CDH12: variants seen among roughly 807,000 people sequenced by gnomAD.
CDH12 encodes cadherin 12.
In CDH12, 41 loss-of-function variants were observed where a neutral mutation model predicts 74.1. That is an observed-to-expected ratio of 0.55 (90% CI 0.43 to 0.72). The LOEUF is 0.72. CDH12 is among the 30% of genes least tolerant of loss of function. The pLI is 0.00. For synonymous variants in CDH12, 399 were observed against 355.0 expected (o/e 1.12, Z -1.39); for missense variants, 945 against 977.2 (o/e 0.97, Z 0.44).
Position 22,832,684 on chromosome 5 carries a change from T to A in CDH12, c.-523+20374A>T, listed in dbSNP as rs192747583. ...ATATTTTTCATATGGGAAGATTTTT[T>A]AAAAAATATTACTGTTTCTTTCCTT... is the stretch of plus-strand genomic sequence containing the variant. On this transcript the variant is annotated intron_variant, in intron 1 of 14. Transcript: ENST00000382254. 8.3e-4 allele frequency among the ~76,000 whole-genome samples: 126 copies of A among 152,302 alleles called. No individual in the cohort carries two copies. In the Middle Eastern group the frequency reaches 0.024, roughly 29 times the overall value.
At chr5:22,847,237 A>C (rs1737350450) in intron 1 of CDH12, among the ~76,000 whole-genome samples, 1 of 152,210 alleles carries the variant, frequency 6.6e-6, no homozygotes, top group South Asian at 2.1e-4. Context: ...TATAACTTAA[A>C]GCCTTGCCAA....
intron 3 of CDH12, among the ~76,000 whole-genome samples, chr5:22,216,595 A>G (rs1751810924): frequency 6.6e-6 from 1 of 151,994 alleles, no homozygotes; most frequent in African/African-American, 2.4e-5. Flanking sequence ...GCATCAAGCT[A>G]ATACTATCAC....
Position 22,348,539 on chromosome 5 carries a change from T to C in CDH12, c.-333+56718A>G, listed in dbSNP as rs184745108. The stretch of plus-strand genomic sequence containing the variant: ...TGAACAGACTGGAAAAATCAGATGA[T>C]TGTTCATGTACATATACATGGACAC... On this transcript the variant is annotated intron_variant, in intron 3 of 14. Transcript: ENST00000382254. Among the ~76,000 whole-genome samples the C allele has an allele frequency of 2.2e-3, 337 of 152,330 alleles. 3 individuals carry two copies. Among genetic ancestry groups the C allele is most frequent in the Non-Finnish European group, 2.9e-3 (195 of 68,036 alleles).
chr5:22,064,358 T>C (rs550360531), intron 5 of CDH12, among the ~76,000 whole-genome samples: 4 of 152,170 alleles, frequency 2.6e-5, no homozygotes, highest in Admixed American at 6.6e-5. Context: ...AATACACACA[T>C]ATTCTGTTTT....
At chr5:22,429,102 CTATTT>C (rs546752099) in intron 2 of CDH12, among the ~76,000 whole-genome samples, 2,408 of 144,836 alleles carry the variant, frequency 0.017, 57 homozygotes, top group African/African-American at 0.053. Flanking sequence ...CACTTTTATT[CTATTT>C]TATTTTATTT....
In CDH12 at chr5:22,629,925, A is replaced by G. The variant is rs371097374; in HGVS notation, c.-522-124561T>C. On this transcript the variant is annotated intron_variant, in intron 1 of 14. Coordinates refer to ENST00000382254, the MANE Select transcript of CDH12 (RefSeq NM_004061.5). ...CCTCAGCAAAATTTCAGAATACAAA[A>G]TCAATATACAAAAATTAGTAGGTTT... Among the ~76,000 whole-genome samples the G allele has an allele frequency of 2.0e-5, 3 of 152,220 alleles. No individual in the cohort carries two copies. In the East Asian group the frequency reaches 5.8e-4, roughly 29 times the overall value.
intron 6 of CDH12, among the ~76,000 whole-genome samples, chr5:21,909,530 C>A (rs1364360383): frequency 6.6e-6 from 1 of 152,052 alleles, no homozygotes; most frequent in East Asian, 1.9e-4. Flanking sequence ...TAGGCAGGTA[C>A]AATAAAGTAC....
intron 2 of CDH12, among the ~76,000 whole-genome samples, chr5:22,480,582 CAAA>C (rs10712028): frequency 3.6e-4 from 49 of 137,390 alleles, no homozygotes; most frequent in Admixed American, 5.2e-4. Flanking sequence ...AGCCCTATCT[CAAA>C]AAAAAAAAAA....
chr5:22,143,267 C>T (rs146390739), intron 4 of CDH12: 4,570 of 152,426 alleles, frequency 0.03, 219 homozygotes, highest in African/African-American at 0.1. Context: ...GCATATAAGA[C>T]AAAAATTTAT....
At chr5:22,195,097 G>C (rs1419671172) in intron 4 of CDH12, among the ~76,000 whole-genome samples, 2 of 152,178 alleles carry the variant, frequency 1.3e-5, no homozygotes, top group African/African-American at 2.4e-5. Context: ...ATAAAAGTTA[G>C]TTTTCTGTCC....
intron 1 of CDH12, among the ~76,000 whole-genome samples, chr5:22,764,557 T>C (rs1746402322): frequency 6.6e-6 from 1 of 151,956 alleles, no homozygotes; most frequent in South Asian, 2.1e-4. Context: ...TATTATAAAA[T>C]CTCAAACAAT....
chr5:22,034,529 C>A (rs534464358), intron 5 of CDH12, among the ~76,000 whole-genome samples: 1 of 152,232 alleles, frequency 6.6e-6, no homozygotes, highest in Admixed American at 6.5e-5. Context: ...GAAGATCCCA[C>A]GACCAGCTGA....
chr5:22,297,328 A>G (rs567507293), intron 3 of CDH12, among the ~76,000 whole-genome samples: 17 of 152,252 alleles, frequency 1.1e-4, no homozygotes, highest in African/African-American at 3.9e-4. Context: ...GCTTTCACAT[A>G]TATTTCTATT....
chr5:22,471,069 C>G (rs148677518), intron 2 of CDH12, among the ~76,000 whole-genome samples: 66 of 149,686 alleles, frequency 4.4e-4, no homozygotes, highest in African/African-American at 1.6e-3. Flanking sequence ...GAGAAATCCA[C>G]AACTCTTTTC....
chr5:22,073,578 T>A (rs561692282), intron 5 of CDH12, among the ~76,000 whole-genome samples: 1 of 152,304 alleles, frequency 6.6e-6, no homozygotes, highest in East Asian at 1.9e-4. Context: ...TTAATTTATT[T>A]CTTACTGTAC....
At chr5:22,744,004 A>T (rs565968195) in intron 1 of CDH12, among the ~76,000 whole-genome samples, 2 of 152,282 alleles carry the variant, frequency 1.3e-5, no homozygotes, top group African/African-American at 4.8e-5. Flanking sequence ...CAAAGAGTAT[A>T]CATATTTTTA....
intron 3 of CDH12, among the ~76,000 whole-genome samples, chr5:22,363,455 A>G (rs1740904445): frequency 6.6e-6 from 1 of 152,208 alleles, no homozygotes; most frequent in Admixed American, 6.6e-5. Flanking sequence ...GCAGAGTATG[A>G]TGAATATGCC....
intron 5 of CDH12, among the ~76,000 whole-genome samples, chr5:22,054,727 G>C (rs1400665697): frequency 6.6e-6 from 1 of 152,118 alleles, no homozygotes; most frequent in Non-Finnish European, 1.5e-5. Flanking sequence ...CTGAATGTAT[G>C]TACAGTCTCT....
intron 5 of CDH12, among the ~76,000 whole-genome samples, chr5:22,049,322 A>C (rs2150192261): frequency 6.6e-6 from 1 of 152,282 alleles, no homozygotes; most frequent in Non-Finnish European, 1.5e-5. Flanking sequence ...GTACCATGAC[A>C]CACCATGTTA....
Sources: gnomAD v4.1 joint callset for allele counts (sites outside exome capture counted in the v4.1 genomes callset) on GRCh38, gnomAD v4.1.1 for gene constraint, MANE v1.5 for transcripts, NCBI Gene and HGNC (gene_info 2026-07-23, HGNC 2026-07-21) for gene names.